SNX18: variants seen among roughly 807,000 people sequenced by gnomAD.
The protein encoded by SNX18 is sorting nexin-18.
SNX18 carries 35 observed loss-of-function variants against 48.7 expected under a neutral mutation model. The ratio of observed to expected loss-of-function variants is 0.72; its 90% CI spans 0.55 to 0.95. The LOEUF (loss-of-function observed/expected upper bound fraction) is 0.95, where lower values mean the gene tolerates loss of function less well. Ranked by LOEUF, SNX18 falls within the 40% of genes least tolerant of loss-of-function variation. The pLI is 0.00. For missense variants in SNX18, 824 were observed against 871.0 expected (o/e 0.95, Z 0.68); for synonymous variants, 492 against 384.7 (o/e 1.28, Z -3.26).
the SNX18 span, among the ~76,000 whole-genome samples, chr5:54,619,403 C>G: frequency 1.3e-5 from 2 of 151,968 alleles, no homozygotes; most frequent in Admixed American, 6.6e-5. Context: ...CCCAACTACT[C>G]GGGAGGCTGA....
the SNX18 span, among the ~76,000 whole-genome samples, chr5:54,617,986 C>T: frequency 6.6e-6 from 1 of 152,112 alleles, no homozygotes; most frequent in Non-Finnish European, 1.5e-5. Context: ...GAACAGCATT[C>T]CAGGGTGACA....
the SNX18 span, among the ~76,000 whole-genome samples, chr5:54,595,481 C>T: frequency 1.8e-4 from 27 of 152,254 alleles, no homozygotes; most frequent in Middle Eastern, 3.4e-3. Flanking sequence ...ATGATCCACC[C>T]GCCTCAGCCT....
At chr5:54,592,236 G>A in the SNX18 span, among the ~76,000 whole-genome samples, 12 of 152,134 alleles carry the variant, frequency 7.9e-5, no homozygotes, top group African/African-American at 2.9e-4. Context: ...GAGATCTGCC[G>A]AATTTGGCCT....
chr5:54,529,841 A>ATAAT (rs1762221313), intron 1 of SNX18, among the ~76,000 whole-genome samples: 1 of 152,182 alleles, frequency 6.6e-6, no homozygotes, highest in African/African-American at 2.4e-5. Context: ...ACAATAGCTG[A>ATAAT]TAATGCTGAA....
the SNX18 span, among the ~76,000 whole-genome samples, chr5:54,621,125 T>C: frequency 1.3e-5 from 2 of 152,196 alleles, no homozygotes; most frequent in Admixed American, 1.3e-4. Flanking sequence ...CTGGTGTGAC[T>C]GTTCATCACA....
the SNX18 span, among the ~76,000 whole-genome samples, chr5:54,553,232 C>T: frequency 6.6e-6 from 1 of 152,150 alleles, no homozygotes; most frequent in African/African-American, 2.4e-5. Context: ...TGATCTGCCT[C>T]GTGTGACAAG....
the SNX18 span, among the ~76,000 whole-genome samples, chr5:54,625,964 A>C: frequency 6.6e-6 from 1 of 152,348 alleles, no homozygotes; most frequent in African/African-American, 2.4e-5. Context: ...AATATGACCA[A>C]AAGATGAAAA....
chr5:54,588,850 A>G, the SNX18 span, among the ~76,000 whole-genome samples: 1 of 152,232 alleles, frequency 6.6e-6, no homozygotes, highest in Non-Finnish European at 1.5e-5. Context: ...ACCTCAAGCT[A>G]GTAATATGAC....
chr5:54,625,411 T>G, the SNX18 span, among the ~76,000 whole-genome samples: 1 of 152,218 alleles, frequency 6.6e-6, no homozygotes, highest in Non-Finnish European at 1.5e-5. Flanking sequence ...CGTATGGCTG[T>G]TGGCAGCCCT....
the SNX18 span, among the ~76,000 whole-genome samples, chr5:54,574,528 G>T: frequency 6.6e-6 from 1 of 152,184 alleles, no homozygotes; most frequent in Non-Finnish European, 1.5e-5. Context: ...TCTGGAGGGG[G>T]ATTCTATGCC....
At chr5:54,579,461 G>T in the SNX18 span, among the ~76,000 whole-genome samples, 2 of 152,144 alleles carry the variant, frequency 1.3e-5, no homozygotes, top group Non-Finnish European at 2.9e-5. Flanking sequence ...AAATGGAAAA[G>T]GATGTAAATA....
chr5:54,543,553 A>C lies in SNX18; in HGVS notation c.*121A>C. 8.7e-7 allele frequency: 1 copy of C among 1,156,036 alleles called. No homozygotes were observed. Among genetic ancestry groups the C allele is most frequent in the South Asian group, 1.5e-5 (1 of 64,946 alleles). The allele number at this position is 1,156,036 out of a possible 1,614,324, so 71.6% of individuals were successfully genotyped here. On this transcript the variant is annotated 3_prime_UTR_variant, in exon 2 of 2. Coordinates refer to ENST00000381410, the MANE Select transcript of SNX18 (RefSeq NM_001102575.2). ...GTGGTACAAGGACGGTTTTGTGTTC[A>C]TCTGAAACCCAGCTGAATTTATAAT...
chr5:54,628,577 T>C, the SNX18 span, among the ~76,000 whole-genome samples: 1 of 152,164 alleles, frequency 6.6e-6, no homozygotes, highest in Non-Finnish European at 1.5e-5. Context: ...ATCTGACCTA[T>C]TACAATGGGG....
chr5:54,646,441 A>G, the SNX18 span, among the ~76,000 whole-genome samples: 141,544 of 152,338 alleles, frequency 0.93, 65,821 homozygotes, highest in Non-Finnish European at 0.93. Flanking sequence ...CAGTGCCTGG[A>G]TCCACAGCTC....
At chr5:54,577,101 A>T in the SNX18 span, among the ~76,000 whole-genome samples, 1 of 152,100 alleles carries the variant, frequency 6.6e-6, no homozygotes, top group African/African-American at 2.4e-5. Context: ...GTGCCCGGCC[A>T]TAAGTAGCTG....
At chr5:54,628,612 T>C in the SNX18 span, among the ~76,000 whole-genome samples, 1 of 152,146 alleles carries the variant, frequency 6.6e-6, no homozygotes, top group African/African-American at 2.4e-5. Flanking sequence ...TAGTCCCCTC[T>C]CCAGGCAGCT....
At chr5:54,524,184 G>A (rs1020889357) in intron 1 of SNX18, among the ~76,000 whole-genome samples, 3 of 152,180 alleles carry the variant, frequency 2.0e-5, no homozygotes, top group African/African-American at 7.2e-5. Context: ...TAAGGTGACC[G>A]TTGGTGCTTT....
chr5:54,615,439 AGC>A, the SNX18 span, among the ~76,000 whole-genome samples: 1 of 151,190 alleles, frequency 6.6e-6, no homozygotes. Context: ...TTAAAAATCC[AGC>A]TTGGGTCATC....
At chr5:54,595,437 A>G in the SNX18 span, among the ~76,000 whole-genome samples, 1 of 152,136 alleles carries the variant, frequency 6.6e-6, no homozygotes. Flanking sequence ...GGGTTTCACC[A>G]TATTGGCCAG....
Sources: gnomAD v4.1 joint callset for allele counts (sites outside exome capture counted in the v4.1 genomes callset) on GRCh38, gnomAD v4.1.1 for gene constraint, MANE v1.5 for transcripts, NCBI Gene and HGNC (gene_info 2026-07-23, HGNC 2026-07-21) for gene names.